RALYL: variants seen among roughly 807,000 people sequenced by gnomAD.
RALYL encodes the protein RALY RNA binding protein like.
A neutral mutation model predicts 35.1 loss-of-function variants in RALYL; 29 were observed. The observed-to-expected ratio is 0.83, with a 90% CI of 0.61 to 1.13. The LOEUF (loss-of-function observed/expected upper bound fraction) is 1.13. RALYL is among the 50% of genes most tolerant of loss of function. The pLI, the probability that RALYL is intolerant of heterozygous loss-of-function variation, is 0.00. For synonymous variants in RALYL, 120 were observed against 127.6 expected (o/e 0.94, Z 0.40); for missense variants, 359 against 360.4 (o/e 1.00, Z 0.03).
intron 6 of RALYL, among the ~76,000 whole-genome samples, chr8:84,868,091 A>G (rs1839510528): frequency 1.3e-5 from 2 of 152,180 alleles, no homozygotes; most frequent in Admixed American, 1.3e-4. Flanking sequence ...GCAGTTCACC[A>G]TGATGGGCAG....
chr8:84,762,441 G>A (rs551790967), intron 2 of RALYL, among the ~76,000 whole-genome samples: 1 of 152,210 alleles, frequency 6.6e-6, no homozygotes, highest in African/African-American at 2.4e-5. Flanking sequence ...GAATTCTTAA[G>A]AATCACATTT....
At chr8:84,721,733 G>A (rs768722744) in intron 2 of RALYL, among the ~76,000 whole-genome samples, 19 of 152,054 alleles carry the variant, frequency 1.2e-4, no homozygotes, top group Non-Finnish European at 2.5e-4. Context: ...TTTGAACCAA[G>A]TCCAGGACAT....
chr8:84,788,746 CCCAGG>C (rs1017006039), intron 3 of RALYL, among the ~76,000 whole-genome samples: 35 of 152,124 alleles, frequency 2.3e-4, no homozygotes, highest in African/African-American at 2.4e-5. Flanking sequence ...TATCAGTCAG[CCCAGG>C]CCAGGACAGA....
In RALYL at chr8:84,854,898, G is replaced by A. The variant is rs1836662610; in HGVS notation, c.413+4871G>A. On this transcript the variant is annotated intron_variant, in intron 5 of 8. Coordinates refer to ENST00000521268, the MANE Select transcript of RALYL (RefSeq NM_173848.7). ...GTGTCTGAGTCCACAAGGAGAACCT[G>A]TGGTGCTGACACCCAAATCTCTGAG... Among the ~76,000 whole-genome samples, 3 of 152,202 alleles carry A rather than the reference G, an allele frequency of 2.0e-5. No homozygotes were observed. In the South Asian group the frequency reaches 6.2e-4, roughly 31 times the overall value.
At chr8:84,576,290 C>A (rs1432215708) in intron 2 of RALYL, among the ~76,000 whole-genome samples, 2 of 152,102 alleles carry the variant, frequency 1.3e-5, no homozygotes, top group Non-Finnish European at 2.9e-5. Flanking sequence ...TGAACATAAG[C>A]ATTACTGTAA....
intron 1 of RALYL, among the ~76,000 whole-genome samples, chr8:84,296,033 T>A (rs1392889014): frequency 1.3e-5 from 2 of 152,068 alleles, no homozygotes; most frequent in South Asian, 2.1e-4. Context: ...GTAATTGTGG[T>A]TTTTGCTGTT....
At chr8:84,420,292 G>T (rs1261587242) in intron 1 of RALYL, among the ~76,000 whole-genome samples, 1 of 152,070 alleles carries the variant, frequency 6.6e-6, no homozygotes, top group Non-Finnish European at 1.5e-5. Context: ...TTCTCTGATG[G>T]CCACTGATGA....
chr8:84,454,239 G>T (rs1031223977), intron 1 of RALYL, among the ~76,000 whole-genome samples: 14 of 152,012 alleles, frequency 9.2e-5, no homozygotes, highest in African/African-American at 3.4e-4. Context: ...ATATTTTAGA[G>T]ATGTAAGATG....
chr8:84,446,244 A>G (rs1476148919), intron 1 of RALYL, among the ~76,000 whole-genome samples: 2 of 152,070 alleles, frequency 1.3e-5, no homozygotes, highest in Non-Finnish European at 2.9e-5. Context: ...TAGCATACAT[A>G]TTGAACTACC....
At chr8:84,469,881 G>A (rs555359634) in intron 1 of RALYL, among the ~76,000 whole-genome samples, 4 of 152,140 alleles carry the variant, frequency 2.6e-5, no homozygotes, top group Admixed American at 6.5e-5. Flanking sequence ...CGCAGTATTC[G>A]GGTGGGAGTG....
chr8:84,691,211 G>C (rs191538804), intron 2 of RALYL, among the ~76,000 whole-genome samples: 1 of 152,096 alleles, frequency 6.6e-6, no homozygotes, highest in Non-Finnish European at 1.5e-5. Context: ...ATGGGATCTA[G>C]AAATGATAAA....
chr8:84,878,923 G>A (rs544849429), intron 7 of RALYL, among the ~76,000 whole-genome samples: 9 of 152,192 alleles, frequency 5.9e-5, no homozygotes, highest in Admixed American at 5.9e-4. Flanking sequence ...ACCTATGTGG[G>A]AACCCAAGGC....
chr8:84,672,168 G>T (rs1833392409), intron 2 of RALYL, among the ~76,000 whole-genome samples: 1 of 152,156 alleles, frequency 6.6e-6, no homozygotes, highest in Admixed American at 6.5e-5. Flanking sequence ...CTAGGGCAGG[G>T]TCAAATGCTG....
At chr8:84,638,304 C>T (rs1189396972) in intron 2 of RALYL, among the ~76,000 whole-genome samples, 3 of 151,902 alleles carry the variant, frequency 2.0e-5, no homozygotes, top group Non-Finnish European at 4.4e-5. Flanking sequence ...TGGGACACAG[C>T]AAGTGTGGTG....
chr8:84,201,884 CTA>C (rs1423124347), intron 1 of RALYL, among the ~76,000 whole-genome samples: 2 of 152,056 alleles, frequency 1.3e-5, no homozygotes, highest in Non-Finnish European at 2.9e-5. Flanking sequence ...TTATTTGATA[CTA>C]TGTCTCTTTG....
chr8:84,737,554 C>T (rs1563482756), intron 2 of RALYL, among the ~76,000 whole-genome samples: 1 of 151,932 alleles, frequency 6.6e-6, no homozygotes, highest in Non-Finnish European at 1.5e-5. Context: ...TGTATAATTT[C>T]AAGATAATTA....
rs995031630 is a variant in RALYL at position 84,415,513 on chromosome 8, C to T, written c.-23-113786C>T. On this transcript the variant is annotated intron_variant, in intron 1 of 8. Coordinates refer to ENST00000521268, the MANE Select transcript of RALYL (RefSeq NM_173848.7). ...TCGGCCTCCCAAAGTGCTGGTATTA[C>T]AGGCGTGAGCCACCGCGCCCGGCCG... Among the ~76,000 whole-genome samples, 177 of 150,036 alleles carry T rather than the reference C, an allele frequency of 1.2e-3. 1 individual carries two copies. Among genetic ancestry groups the T allele is most frequent in the African/African-American group, 4.1e-3 (167 of 40,624 alleles).
chr8:84,865,307 G>C (rs1402524138), intron 6 of RALYL, among the ~76,000 whole-genome samples: 1 of 152,136 alleles, frequency 6.6e-6, no homozygotes, highest in East Asian at 1.9e-4. Flanking sequence ...TATATAGCTT[G>C]CTCTTTAATT....
At chr8:84,790,334 G>A (rs1820483637) in intron 3 of RALYL, among the ~76,000 whole-genome samples, 1 of 152,190 alleles carries the variant, frequency 6.6e-6, no homozygotes. Flanking sequence ...CATACGGTCA[G>A]CCCTGAGGGT....
Sources: gnomAD v4.1 joint callset for allele counts (sites outside exome capture counted in the v4.1 genomes callset) on GRCh38, gnomAD v4.1.1 for gene constraint, MANE v1.5 for transcripts, NCBI Gene and HGNC (gene_info 2026-07-23, HGNC 2026-07-21) for gene names.